The following PIAS1 variants were observed in gnomAD, a reference collection of about 807,000 sequenced individuals.
PIAS1 encodes the protein protein inhibitor of activated STAT 1, also known as E3 SUMO-protein ligase PIAS1.
A neutral mutation model predicts 71.3 loss-of-function variants in PIAS1; 6 were observed. That is an observed-to-expected ratio of 0.08 (90% CI 0.05 to 0.17). The LOEUF (loss-of-function observed/expected upper bound fraction) is 0.17, where lower values mean the gene tolerates loss of function less well. Ranked by LOEUF, PIAS1 falls within the 10% of genes least tolerant of loss-of-function variation. PIAS1 has a pLI of 1.00. For synonymous variants in PIAS1, 303 were observed against 292.9 expected, an observed-to-expected ratio of 1.03 and a Z score of -0.35; for missense variants, 555 against 793.6, an observed-to-expected ratio of 0.70 and a Z score of 3.61.
rs1010102304 is a variant in PIAS1 at position 68,146,492 on chromosome 15, GT to G, written c.694-68del. On this transcript the variant is annotated intron_variant, in intron 5 of 13. Transcript: ENST00000249636. ...TTTTCTAGTATGCAGTTTGTAGGGGGTTTTTTCTTAAGGAATGGAAGTCAAA... is the reference window on the plus strand; with the variant it reads ...TTTTCTAGTATGCAGTTTGTAGGGGGTTTTTCTTAAGGAATGGAAGTCAAA... The G allele has an allele frequency of 1.5e-5, 17 of 1,151,296 alleles. No individual in the cohort carries two copies. The South Asian group carries it at 2.4e-4, about 16-fold the overall frequency. 71.3% of individuals were successfully genotyped at this position (1,151,296 alleles called of 1,614,324 possible). A position where few individuals can be genotyped will look rare whatever the true frequency, so the allele number is the denominator to read the frequency against.
rs1178923534 is a variant in PIAS1 at position 68,056,698 on chromosome 15, GT to G, written c.24+2350del. On this transcript the variant is annotated intron_variant, in intron 1 of 13. Coordinates refer to ENST00000249636, the MANE Select transcript of PIAS1 (RefSeq NM_016166.3). ...ATACTTTATTGTGGTTAGATTTGCT[GT>G]TCTTTTTTTGAGGGGTGGAGGAGGT... Among the ~76,000 whole-genome samples the G allele has an allele frequency of 2.0e-5, 3 of 151,946 alleles. No homozygotes were observed. In the East Asian group the frequency reaches 5.8e-4, roughly 29 times the overall value.
chr15:68,151,963 G>C (rs1453991591), intron 6 of PIAS1, among the ~76,000 whole-genome samples: 6 of 4,286 alleles, frequency 1.4e-3, no homozygotes, highest in Admixed American at 4.1e-3. Flanking sequence ...TTTTTTTTGG[G>C]GGGGGAGACA....
intron 7 of PIAS1, among the ~76,000 whole-genome samples, chr15:68,161,008 A>C (rs1276394718): frequency 2.6e-5 from 4 of 152,234 alleles, no homozygotes; most frequent in Non-Finnish European, 4.4e-5. Context: ...TGAAGAAATA[A>C]TTATAGTCTT....
chr15:68,123,453 C>G (rs2092627232), intron 2 of PIAS1, among the ~76,000 whole-genome samples: 1 of 152,122 alleles, frequency 6.6e-6, no homozygotes, highest in African/African-American at 2.4e-5. Context: ...AAAATTGCAA[C>G]TACTACTTAG....
intron 2 of PIAS1, among the ~76,000 whole-genome samples, chr15:68,121,617 C>T (rs2092614101): frequency 6.6e-6 from 1 of 152,046 alleles, no homozygotes; most frequent in Non-Finnish European, 1.5e-5. Context: ...CCTAGGGATT[C>T]TGTTGTGTTT....
rs141161127 is a variant in PIAS1, at chr15:68,189,222, G to A, written c.*1387G>A. 2.4e-4 allele frequency: 37 copies of A among 152,306 alleles called. No individual in the cohort carries two copies. Among genetic ancestry groups the A allele is most frequent in the African/African-American group, 7.9e-4 (33 of 41,572 alleles). The allele number at this position is 152,306 out of a possible 1,614,324, so 9.4% of individuals were successfully genotyped here. On this transcript the variant is annotated 3_prime_UTR_variant, in exon 14 of 14. Transcript: ENST00000249636. ...TTTCAGGAGAGAAATATGAGTTGGAGGGAAGGAAAAGTGGTTCTACTAATG... is the reference window on the plus strand; with the variant it reads ...TTTCAGGAGAGAAATATGAGTTGGAAGGAAGGAAAAGTGGTTCTACTAATG...
Position 68,054,510 on chromosome 15 carries a change from C to T in PIAS1, c.24+160C>T. 1.6e-6 allele frequency: 1 copy of T among 640,538 alleles called. No homozygotes were observed. 39.7% of individuals were successfully genotyped at this position (640,538 alleles called of 1,614,324 possible). ...CGCGCCCGGTCTCAGCAGAGGGGGCCCGCCTGCGGCGGGCCGCGGGCCCCG... is the reference window on the plus strand; with the variant it reads ...CGCGCCCGGTCTCAGCAGAGGGGGCTCGCCTGCGGCGGGCCGCGGGCCCCG... On this transcript the variant is annotated intron_variant, in intron 1 of 13. Coordinates refer to ENST00000249636, the MANE Select transcript of PIAS1 (RefSeq NM_016166.3). The surrounding 1 kb of genome is among the most constrained non-coding windows in gnomAD (Gnocchi z 4.6).
chr15:68,129,273 GC>G (rs1180530202), intron 2 of PIAS1, among the ~76,000 whole-genome samples: 1 of 152,082 alleles, frequency 6.6e-6, no homozygotes, highest in Non-Finnish European at 1.5e-5. Flanking sequence ...TCACTATATT[GC>G]CCAGGCTGCT....
intron 2 of PIAS1, among the ~76,000 whole-genome samples, chr15:68,113,149 CA>C (rs1317509974): frequency 6.6e-6 from 1 of 152,020 alleles, no homozygotes; most frequent in African/African-American, 2.4e-5. Context: ...GAAGTGTATT[CA>C]ATGCAAATTT....
rs2092993127 is a variant in PIAS1 at position 68,171,831 on chromosome 15, T to G, written c.1009-1901T>G. On this transcript the variant is annotated intron_variant, in intron 8 of 13. Transcript: ENST00000249636. The surrounding 1 kb of genome is among the most constrained non-coding windows in gnomAD (Gnocchi z 4.4). ...AGGAAATTTCACATTTCCCTGAAAT[T>G]GATCTAAGTAAGCCAAGAATCTTTT... 6.6e-6 allele frequency among the ~76,000 whole-genome samples: 1 copy of G among 152,146 alleles called. No homozygotes were observed. The highest frequency in any genetic ancestry group is 2.4e-5 in the African/African-American group (1 of 41,440).
chr15:68,147,809 A>G (rs1487000026), intron 6 of PIAS1, among the ~76,000 whole-genome samples: 1 of 152,310 alleles, frequency 6.6e-6, no homozygotes, highest in Non-Finnish European at 1.5e-5. Context: ...AACTAAATAA[A>G]TGTTGATTCT....
intron 1 of PIAS1, among the ~76,000 whole-genome samples, chr15:68,060,898 G>T (rs2091951769): frequency 6.6e-6 from 1 of 152,194 alleles, no homozygotes; most frequent in Non-Finnish European, 1.5e-5. Context: ...TGGCCAGGTT[G>T]GTCTCTATCT....
Position 68,054,740 on chromosome 15 carries a change from G to T in PIAS1, c.24+390G>T. On this transcript the variant is annotated intron_variant, in intron 1 of 13. Transcript: ENST00000249636. The surrounding 1 kb of genome is among the most constrained non-coding windows in gnomAD (Gnocchi z 4.6). ...CAGGGTGCTCTCGTAGGGGGGATTG[G>T]GAAAGCTCCCCGTGGCCGCTTCCTC... 5.9e-6 allele frequency: 1 copy of T among 169,364 alleles called. No individual in the cohort carries two copies. Among genetic ancestry groups the T allele is most frequent in the East Asian group, 1.5e-4 (1 of 6,478 alleles). 10.5% of individuals were successfully genotyped at this position (169,364 alleles called of 1,614,324 possible). A position where few individuals can be genotyped will look rare whatever the true frequency, so the allele number is the denominator to read the frequency against.
At position 68,187,573 on chromosome 15, in the gene PIAS1, C is replaced by G. The variant is rs1442066865; in HGVS notation, c.1694C>G (p.Ala565Gly). The G allele has an allele frequency of 2.5e-6, 4 of 1,613,942 alleles. No individual in the cohort carries two copies. The highest frequency in any genetic ancestry group is 3.4e-6 in the Non-Finnish European group (4 of 1,179,824). Reference sequence around the variant, plus strand: ...AACACCTCCTTGCTTGCCGCTGCAGCAGCAGCAGTTTCAGATGATCAAGAC... The same window carrying G: ...AACACCTCCTTGCTTGCCGCTGCAGGAGCAGCAGTTTCAGATGATCAAGAC... ...HYNTSLLAAAAAAVSDDQDLL... is the reference protein window; with the variant it reads ...HYNTSLLAAAGAAVSDDQDLL... The change falls in exon 14 of 14, where the codon GCA (alanine) becomes GGA (glycine). Residue 565 changes from alanine (A) to glycine (G), a missense_variant. Ala to Gly is a moderately conservative substitution (Grantham distance 60). This residue lies in a region of PIAS1 where 244 missense variants were observed against 307.5 expected (regional missense o/e 0.79). Transcript: ENST00000249636. This position sits in a 1 kb window ranked among gnomAD's most constrained non-coding sequence, Gnocchi z 5.3.
At chr15:68,153,783 GT>G (rs1425935984) in intron 7 of PIAS1, 88 bp downstream of exon 7, 1 of 697,134 alleles carries the variant, frequency 1.4e-6, no homozygotes, top group Non-Finnish European at 2.6e-6. Context: ...TTTAGAATTT[GT>G]TTATTCACTG....
At chr15:68,140,187 A>T (rs73423773) in intron 2 of PIAS1, among the ~76,000 whole-genome samples, 2,630 of 152,262 alleles carry the variant, frequency 0.017, 71 homozygotes, top group African/African-American at 0.061. Context: ...TATTTTAGTT[A>T]TATCTTCTCT....
At chr15:68,102,935 C>CT (rs892461183) in intron 2 of PIAS1, among the ~76,000 whole-genome samples, 135 of 148,058 alleles carry the variant, frequency 9.1e-4, no homozygotes, top group Admixed American at 4.6e-3. Context: ...ATTTTTATTT[C>CT]TTTTTTTTTT....
chr15:68,150,441 T>C (rs2092836873), intron 6 of PIAS1, among the ~76,000 whole-genome samples: 2 of 152,208 alleles, frequency 1.3e-5, no homozygotes. Context: ...CTTAATAGAT[T>C]GTTTTTAAAT....
At chr15:68,127,821 A>G (rs1595747756) in intron 2 of PIAS1, among the ~76,000 whole-genome samples, 1 of 152,018 alleles carries the variant, frequency 6.6e-6, no homozygotes, top group Non-Finnish European at 1.5e-5. Flanking sequence ...GGAGTACAGT[A>G]GTGTGACCTC....
Sources: gnomAD v4.1 joint callset for allele counts (sites outside exome capture counted in the v4.1 genomes callset) on GRCh38, gnomAD v4.1.1 for gene constraint, gnomAD v4.1.1 regional missense constraint, Gnocchi (gnomAD v3.1) non-coding constraint, MANE v1.5 for transcripts, NCBI Gene and HGNC (gene_info 2026-07-23, HGNC 2026-07-21) for gene names.